The following NOX4 variants were observed in gnomAD, a reference collection of about 807,000 sequenced individuals.
NOX4 encodes kidney oxidase-1.
In NOX4, 69 loss-of-function variants were observed where a neutral mutation model predicts 87.6. The observed-to-expected ratio is 0.79, with a 90% CI of 0.65 to 0.96. NOX4 has a LOEUF of 0.96. Among genes scored for constraint, NOX4 ranks in the 40% least tolerant of loss-of-function variants. NOX4 has a pLI of 0.00. For synonymous variants in NOX4, 275 were observed against 238.2 expected (o/e 1.15, Z -1.42); for missense variants, 680 against 681.5 (o/e 1.00, Z 0.02).
At chr11:89,374,904 A>G (rs1368585400) in intron 11 of NOX4, among the ~76,000 whole-genome samples, 6 of 152,216 alleles carry the variant, frequency 3.9e-5, no homozygotes, top group Non-Finnish European at 7.3e-5. Flanking sequence ...TGTGCTGACT[A>G]GTTAATGTAG....
intron 2 of NOX4, among the ~76,000 whole-genome samples, chr11:89,489,951 A>G (rs1424924305): frequency 6.6e-6 from 1 of 152,208 alleles, no homozygotes; most frequent in Non-Finnish European, 1.5e-5. Context: ...ATAGTAGAAT[A>G]CTGGAATATC....
chr11:89,374,351 G>A (rs1456756860), intron 11 of NOX4, among the ~76,000 whole-genome samples: 1 of 152,082 alleles, frequency 6.6e-6, no homozygotes, highest in African/African-American at 2.4e-5. Context: ...CTAACATCCT[G>A]TTGGATATAT....
rs150570861 is a variant in NOX4 at position 89,464,606 on chromosome 11, G to A, written c.154-12711C>T. Reference sequence around the variant, plus strand: ...AAAAAATGACTGCTCTAAGTTATGTGTCCAGTCCATTCTATGTGAATGATT... The same window carrying A: ...AAAAAATGACTGCTCTAAGTTATGTATCCAGTCCATTCTATGTGAATGATT... On this transcript the variant is annotated intron_variant, in intron 2 of 17. Transcript: ENST00000263317. Among the ~76,000 whole-genome samples, 1,073 of 152,148 alleles carry A rather than the reference G, an allele frequency of 7.1e-3. 17 individuals carry two copies. Among genetic ancestry groups the A allele is most frequent in the African/African-American group, 0.024 (1,015 of 41,512 alleles).
At chr11:89,485,272 C>T (rs1946547679) in intron 2 of NOX4, among the ~76,000 whole-genome samples, 1 of 151,966 alleles carries the variant, frequency 6.6e-6, no homozygotes, top group Non-Finnish European at 1.5e-5. Flanking sequence ...GATCATGCAG[C>T]AGATCTAAAA....
At chr11:89,410,557 G>T (rs1476279882) in intron 8 of NOX4, among the ~76,000 whole-genome samples, 1 of 151,880 alleles carries the variant, frequency 6.6e-6, no homozygotes, top group African/African-American at 2.4e-5. Flanking sequence ...TTTCTTTTTT[G>T]GGTTGGAACT....
chr11:89,429,472 T>C (rs1460158053), intron 7 of NOX4, among the ~76,000 whole-genome samples: 2 of 151,500 alleles, frequency 1.3e-5, no homozygotes, highest in Non-Finnish European at 2.9e-5. Context: ...GCAAGACTAA[T>C]AAAGAAGAAA....
In NOX4 at chr11:89,490,463, A is replaced by G. The variant is rs759529648; in HGVS notation, c.148T>C (p.Leu50=). ...GPEYHYLHQM[L]GLGLCLSRAS... ...TCCAAGTTCACCTTACTTACCCCCA[A>G]CATCTGGTGGAGGTAGTGATACTCT... The change falls in exon 2 of 18, where the codon TTG becomes CTG. Residue 50 remains leucine, a synonymous_variant. Coordinates refer to ENST00000263317, the MANE Select transcript of NOX4 (RefSeq NM_016931.5). 9 of 1,604,202 alleles carry G rather than the reference A, an allele frequency of 5.6e-6. No homozygotes were observed. Among genetic ancestry groups the G allele is most frequent in the East Asian group, 4.5e-5 (2 of 44,828 alleles).
At chr11:89,528,360 C>T in the NOX4 span, among the ~76,000 whole-genome samples, 62,971 of 151,956 alleles carry the variant, frequency 0.41, 13,892 homozygotes, top group African/African-American at 0.56. Context: ...TGAGGGACTA[C>T]TGGGAAGGCA....
At chr11:89,487,847 G>T (rs570622996) in intron 2 of NOX4, among the ~76,000 whole-genome samples, 2 of 152,210 alleles carry the variant, frequency 1.3e-5, no homozygotes, top group South Asian at 2.1e-4. Context: ...CCTGCAAATT[G>T]TTACTCTATG....
chr11:89,574,594 T>TA, the NOX4 span, among the ~76,000 whole-genome samples: 1 of 152,232 alleles, frequency 6.6e-6, no homozygotes, highest in Non-Finnish European at 1.5e-5. Flanking sequence ...CAGAAGTCTA[T>TA]AATGACCTTT....
At chr11:89,399,829 A>G (rs1361777341) in intron 11 of NOX4, among the ~76,000 whole-genome samples, 188 bp downstream of exon 11, 1 of 151,976 alleles carries the variant, frequency 6.6e-6, no homozygotes, top group Non-Finnish European at 1.5e-5. Context: ...CAAGGTGTCA[A>G]AAAATAATAA....
chr11:89,471,987 C>T (rs187681639), intron 2 of NOX4, among the ~76,000 whole-genome samples: 153 of 152,224 alleles, frequency 1.0e-3, no homozygotes, highest in Non-Finnish European at 1.8e-3. Flanking sequence ...AGTGATCTTC[C>T]CACCTTGGCC....
chr11:89,453,527 G>A (rs1460062923), intron 2 of NOX4, among the ~76,000 whole-genome samples: 1 of 152,138 alleles, frequency 6.6e-6, no homozygotes, highest in East Asian at 1.9e-4. Flanking sequence ...AAAACATTAT[G>A]TTCATACTAA....
At chr11:89,426,692 C>T (rs1943437981) in intron 7 of NOX4, among the ~76,000 whole-genome samples, 1 of 152,114 alleles carries the variant, frequency 6.6e-6, no homozygotes, top group Non-Finnish European at 1.5e-5. Flanking sequence ...CCCACCATTG[C>T]TGAAGCTTGA....
At chr11:89,426,545 G>T (rs1943427560) in intron 7 of NOX4, among the ~76,000 whole-genome samples, 1 of 152,076 alleles carries the variant, frequency 6.6e-6, no homozygotes, top group Admixed American at 6.6e-5. Flanking sequence ...TTTTCCAATG[G>T]TCTTAGCAAA....
intron 2 of NOX4, among the ~76,000 whole-genome samples, chr11:89,457,776 G>A (rs1945271261): frequency 6.6e-6 from 1 of 151,796 alleles, no homozygotes; most frequent in Non-Finnish European, 1.5e-5. Context: ...TTCAAGCTGA[G>A]AGCCAAATCC....
chr11:89,347,578 C>T (rs1345536609), intron 13 of NOX4, among the ~76,000 whole-genome samples: 1 of 152,154 alleles, frequency 6.6e-6, no homozygotes, highest in East Asian at 1.9e-4. Context: ...AAAAAGTCAA[C>T]ATAAAGATGC....
At chr11:89,556,827 A>G in the NOX4 span, 17 of 152,278 alleles carry the variant, frequency 1.1e-4, no homozygotes, top group Middle Eastern at 3.4e-3. Context: ...TGTAAACTCT[A>G]ACAAGTTTGG....
At chr11:89,408,032 T>G (rs1942281316) in intron 8 of NOX4, among the ~76,000 whole-genome samples, 2 of 152,110 alleles carry the variant, frequency 1.3e-5, no homozygotes, top group African/African-American at 4.8e-5. Flanking sequence ...TGACAGTTAT[T>G]TTTATTTTGC....
Sources: gnomAD v4.1 joint callset for allele counts (sites outside exome capture counted in the v4.1 genomes callset) on GRCh38, gnomAD v4.1.1 for gene constraint, MANE v1.5 for transcripts, NCBI Gene and HGNC (gene_info 2026-07-23, HGNC 2026-07-21) for gene names.